The following ZNF461 variants were observed in gnomAD, a reference collection of about 807,000 sequenced individuals.
ZNF461 encodes the protein gonadotropin-inducible ovarian transcription factor-1.
ZNF461 carries 16 observed loss-of-function variants against 18.3 expected under a neutral mutation model. That is an observed-to-expected ratio of 0.88 (90% CI 0.59 to 1.33). The LOEUF (loss-of-function observed/expected upper bound fraction) is 1.33. ZNF461 is among the 40% of genes most tolerant of loss of function. The pLI, the probability that ZNF461 is intolerant of heterozygous loss-of-function variation, is 0.00. For synonymous variants in ZNF461, 179 were observed against 216.9 expected (o/e 0.83, Z 1.54); for missense variants, 595 against 669.9 (o/e 0.89, Z 1.23).
At chr19:36,664,627 TACAAAAAAA>T in intron 2 of ZNF461, 62 bp downstream of exon 2, 1 of 1,278,758 alleles carries the variant, frequency 7.8e-7, no homozygotes, top group Non-Finnish European at 1.1e-6. Context: ...ACATGCCCTA[TACAAAAAAA>T]ACAAAAACAA....
At chr19:36,649,320 ATT>A (rs1364434058) in intron 4 of ZNF461, among the ~76,000 whole-genome samples, 3 of 127,294 alleles carry the variant, frequency 2.4e-5, no homozygotes, top group Non-Finnish European at 4.9e-5. Flanking sequence ...GAAACAGTAT[ATT>A]TTATTATTTA....
intron 2 of ZNF461, among the ~76,000 whole-genome samples, chr19:36,663,968 AT>A (rs990422715): frequency 4.6e-5 from 7 of 152,064 alleles, no homozygotes; most frequent in Non-Finnish European, 8.8e-5. Flanking sequence ...TGTATGTGAT[AT>A]TTTTTTCCCC....
In ZNF461 at chr19:36,639,221, T is replaced by G; in HGVS notation, c.1124A>C (p.His375Pro). Residue 375 changes from histidine to proline, a missense_variant, in exon 6 of 6, where the codon CAT becomes CCT. By Grantham distance (77) the His-to-Pro change is moderately conservative. Transcript: ENST00000588268. ...TFRHRSHLTIHQRIHTGEKPY... is the reference protein window; with the variant it reads ...TFRHRSHLTIPQRIHTGEKPY... Reference sequence around the variant, plus strand: ...TTTCTCACCAGTATGAATTCTCTGATGTATAGTAAGATGTGAGCGATGCCT... The same window carrying G: ...TTTCTCACCAGTATGAATTCTCTGAGGTATAGTAAGATGTGAGCGATGCCT... The G allele has an allele frequency of 6.2e-7, 1 of 1,614,162 alleles. No homozygotes were observed. The highest frequency in any genetic ancestry group is 8.5e-7 in the Non-Finnish European group (1 of 1,180,020).
rs966108652 is a variant in ZNF461, at chr19:36,637,424, T to C, written c.*1229A>G. 6.6e-6 allele frequency: 1 copy of C among 152,222 alleles called. No individual in the cohort carries two copies. Among genetic ancestry groups the C allele is most frequent in the African/African-American group, 2.4e-5 (1 of 41,388 alleles). The allele number at this position is 152,222 out of a possible 1,614,324, so 9.4% of individuals were successfully genotyped here. The stretch of plus-strand genomic sequence containing the variant: ...ACCATGTTAGCCAGGATGGTCTCGA[T>C]CTCCTGACCTCGTGATCCGCCCGCC... On this transcript the variant is annotated 3_prime_UTR_variant, in exon 6 of 6. Coordinates refer to ENST00000588268, the MANE Select transcript of ZNF461 (RefSeq NM_153257.5).
At chr19:36,642,911 G>A (rs776345440) in intron 5 of ZNF461, among the ~76,000 whole-genome samples, 2 of 151,812 alleles carry the variant, frequency 1.3e-5, no homozygotes, top group African/African-American at 2.4e-5. Context: ...CTCACCACCT[G>A]TAATTTTTGT....
Position 36,658,309 on chromosome 19 carries a change from C to T in ZNF461, c.126G>A (p.Leu42=). The change falls in exon 3 of 6, where the codon TTG becomes TTA. Residue 42 remains leucine (L), a synonymous_variant. Transcript: ENST00000588268. ...KEVMLENYSN[L]VSLGLSVSKP... is the part of the protein sequence containing the mutation. ...TTTAGATAACTTTACCAAGTGACACCAAGTTGCTATAATTCTCCAACATCA... is the reference window on the plus strand; with the variant it reads ...TTTAGATAACTTTACCAAGTGACACTAAGTTGCTATAATTCTCCAACATCA... 2 of 1,607,622 alleles carry T rather than the reference C, an allele frequency of 1.2e-6. No individual in the cohort carries two copies. Among genetic ancestry groups the T allele is most frequent in the Admixed American group, 1.7e-5 (1 of 59,098 alleles).
At chr19:36,651,119 T>TA (rs1349967967) in intron 4 of ZNF461, among the ~76,000 whole-genome samples, 2 of 150,890 alleles carry the variant, frequency 1.3e-5, no homozygotes, top group African/African-American at 4.9e-5. Context: ...TAGTGCCAGC[T>TA]ACTAGGGAGG....
chr19:36,657,165 A>C (rs1415850240), intron 3 of ZNF461, among the ~76,000 whole-genome samples: 1 of 151,810 alleles, frequency 6.6e-6, no homozygotes, highest in Non-Finnish European at 1.5e-5. Context: ...TTTAAAAATA[A>C]CTTCCAAAGG....
Position 36,639,300 on chromosome 19 carries a change from G to T in ZNF461, c.1045C>A (p.Arg349=). ...IRGFQLTEHL[R]LHTGEKPYEC... ...TAAGGTTTCTCTCCAGTATGGAGTC[G>T]CAGGTGTTCAGTAAGTTGAAAGCCA... Residue 349 remains arginine (R), a synonymous_variant, in exon 6 of 6, where the codon CGA becomes AGA. Coordinates refer to ENST00000588268, the MANE Select transcript of ZNF461 (RefSeq NM_153257.5). 1 of 1,612,946 alleles carries T rather than the reference G, an allele frequency of 6.2e-7. No individual in the cohort carries two copies. The highest frequency in any genetic ancestry group is 8.5e-7 in the Non-Finnish European group (1 of 1,179,792).
chr19:36,646,096 T>TTTG (rs765946582), intron 4 of ZNF461, among the ~76,000 whole-genome samples: 43 of 121,428 alleles, frequency 3.5e-4, no homozygotes, highest in Non-Finnish European at 5.4e-4. Context: ...TTTTGACTAT[T>TTTG]TTGTTGTTGT....
intron 4 of ZNF461, 118 bp downstream of exon 4, chr19:36,656,330 T>C: frequency 1.2e-6 from 1 of 831,222 alleles, no homozygotes. Flanking sequence ...TACTATATCT[T>C]TGTAATATGT....
chr19:36,643,682 T>C (rs2037469488), intron 5 of ZNF461, 112 bp downstream of exon 5: 2 of 1,016,960 alleles, frequency 2.0e-6, no homozygotes, highest in Non-Finnish European at 2.6e-6. Flanking sequence ...TTCTGTGTGT[T>C]CTAGAAGTTT....
intron 2 of ZNF461, among the ~76,000 whole-genome samples, chr19:36,659,360 T>C (rs1315220581): frequency 6.6e-6 from 1 of 152,236 alleles, no homozygotes; most frequent in Non-Finnish European, 1.5e-5. Flanking sequence ...TGTTTTAATC[T>C]ACTAAATTTT....
intron 5 of ZNF461, among the ~76,000 whole-genome samples, chr19:36,641,209 A>C (rs1376213636): frequency 6.6e-6 from 1 of 152,106 alleles, no homozygotes; most frequent in Non-Finnish European, 1.5e-5. Flanking sequence ...CTGGAATTAC[A>C]TATTCATTTA....
At chr19:36,665,378 C>A (rs1335274706) in intron 1 of ZNF461, among the ~76,000 whole-genome samples, 1 of 152,148 alleles carries the variant, frequency 6.6e-6, no homozygotes, top group African/African-American at 2.4e-5. Context: ...TTAAGTTTGT[C>A]TTTGAATACA....
intron 2 of ZNF461, 36 bp from the exon 3 acceptor site, chr19:36,658,461 AT>A (rs2037763692): frequency 1.3e-6 from 2 of 1,548,718 alleles, no homozygotes; most frequent in South Asian, 2.5e-5. Flanking sequence ...TTTTGAAATT[AT>A]AAGAAATGTT....
chr19:36,650,106 C>T (rs1395089366), intron 4 of ZNF461, among the ~76,000 whole-genome samples: 5 of 152,000 alleles, frequency 3.3e-5, no homozygotes, highest in Admixed American at 2.6e-4. Context: ...ACCCAGAAGA[C>T]GGAGGGTCCA....
At chr19:36,664,603 A>G in intron 2 of ZNF461, 95 bp downstream of exon 2, 1 of 1,062,742 alleles carries the variant, frequency 9.4e-7, no homozygotes, top group Non-Finnish European at 1.3e-6. Flanking sequence ...CAAAAAAAAA[A>G]AAAGCAAATA....
chr19:36,664,137 G>A (rs540393345), intron 2 of ZNF461, among the ~76,000 whole-genome samples: 1 of 152,240 alleles, frequency 6.6e-6, no homozygotes, highest in African/African-American at 2.4e-5. Flanking sequence ...TCTGTTAAAA[G>A]ATTTCACGTA....
Sources: allele counts gnomAD v4.1 joint callset (sites outside exome capture counted in the v4.1 genomes callset), GRCh38; gene constraint gnomAD v4.1.1; transcripts MANE v1.5; gene names NCBI Gene and HGNC (gene_info 2026-07-23, HGNC 2026-07-21).